The following DNASE2B variants were observed in gnomAD, a reference collection of about 807,000 sequenced individuals.
The protein encoded by DNASE2B is deoxyribonuclease-2-beta.
In DNASE2B, 43 loss-of-function variants were observed where a neutral mutation model predicts 46.0. The ratio of observed to expected loss-of-function variants is 0.94; its 90% CI spans 0.73 to 1.21. DNASE2B has a LOEUF of 1.21. Ranked by LOEUF, DNASE2B falls within the 50% of genes most tolerant of loss-of-function variation. DNASE2B has a pLI of 0.00. For missense variants in DNASE2B, 395 were observed against 414.4 expected (o/e 0.95, Z 0.41); for synonymous variants, 156 against 152.5 (o/e 1.02, Z -0.17).
rs138799980 is a variant in DNASE2B, at chr1:84,398,999, C to T, written c.125+310C>T. 9.8e-5 allele frequency among the ~76,000 whole-genome samples: 15 copies of T among 152,326 alleles called. No individual in the cohort carries two copies. The East Asian group carries it at 2.7e-3, about 27-fold the overall frequency. ...GTGAGCTGGCAATTTCTTTTAATTA[C>T]ATCATGGCTTTTCCTAACAGAACAC... On this transcript the variant is annotated intron_variant, in intron 1 of 5. Coordinates refer to ENST00000370665, the MANE Select transcript of DNASE2B (RefSeq NM_021233.3).
In DNASE2B at chr1:84,414,764, A is replaced by C; in HGVS notation, c.982A>C (p.Ser328Arg). Residue 328 changes from serine (S) to arginine (R), a missense_variant, in exon 6 of 6, where the codon AGT becomes CGT. Physicochemically the swap from Ser to Arg is moderately radical, Grantham distance 110 (BLOSUM62 -1). Transcript: ENST00000370665. ...RWTCIGDLNRSPHQAFRSGGF... is the reference protein window; with the variant it reads ...RWTCIGDLNRRPHQAFRSGGF... ...GACATGTATTGGAGACCTAAATCGGAGTCCACACCAAGCCTTCAGAAGTGG... is the reference window on the plus strand; with the variant it reads ...GACATGTATTGGAGACCTAAATCGGCGTCCACACCAAGCCTTCAGAAGTGG... 1 of 1,614,208 alleles carries C rather than the reference A, an allele frequency of 6.2e-7. No individual in the cohort carries two copies. Among genetic ancestry groups the C allele is most frequent in the Non-Finnish European group, 8.5e-7 (1 of 1,180,020 alleles).
chr1:84,401,938 G>GA lies in DNASE2B; in HGVS notation c.166dup (p.Ser56LysfsTer16), dbSNP rs756383825. ...TAAGTTACCTAAAAGACAAAACAAG[G>GA]AAAGTGGAGAGACTGGGTTAGAGTA... On this transcript the variant is annotated frameshift_variant, in exon 2 of 6. Coordinates refer to ENST00000370665, the MANE Select transcript of DNASE2B (RefSeq NM_021233.3). LOFTEE classifies it high-confidence loss of function. The GA allele has an allele frequency of 5.8e-6, 9 of 1,553,874 alleles. No individual in the cohort carries two copies. Among genetic ancestry groups the GA allele is most frequent in the Non-Finnish European group, 8.6e-7 (1 of 1,157,234 alleles).
chr1:84,400,748 A>T (rs1320015096), intron 1 of DNASE2B, among the ~76,000 whole-genome samples: 15 of 152,244 alleles, frequency 9.9e-5, no homozygotes, highest in African/African-American at 3.1e-4. Context: ...TTTTGCCACA[A>T]GTGAATGGAC....
intron 3 of DNASE2B, among the ~76,000 whole-genome samples, chr1:84,410,391 G>A (rs376171203): frequency 4.6e-5 from 7 of 152,236 alleles, no homozygotes; most frequent in African/African-American, 1.4e-4. Context: ...AAATTATTGT[G>A]AGTACATTTC....
intron 3 of DNASE2B, among the ~76,000 whole-genome samples, chr1:84,409,630 A>G (rs1389826437): frequency 3.9e-5 from 6 of 152,110 alleles, no homozygotes; most frequent in Non-Finnish European, 2.9e-5. Flanking sequence ...TCTCCTGAAT[A>G]CCCTATTTAC....
intron 2 of DNASE2B, 136 bp downstream of exon 2, chr1:84,402,214 C>T (rs1337434689): frequency 1.4e-6 from 1 of 737,042 alleles, no homozygotes; most frequent in Admixed American, 3.7e-5. Context: ...TCAGGACCAG[C>T]TCAAGACAAC....
At chr1:84,406,289 T>A (rs1224176022) in intron 2 of DNASE2B, among the ~76,000 whole-genome samples, 1 of 152,178 alleles carries the variant, frequency 6.6e-6, no homozygotes, top group Non-Finnish European at 1.5e-5. Context: ...CCTTTCCACA[T>A]CAACGAGACT....
intron 5 of DNASE2B, 42 bp from the exon 6 acceptor site, chr1:84,414,486 T>A (rs1441723764): frequency 3.9e-6 from 6 of 1,520,700 alleles, no homozygotes; most frequent in Non-Finnish European, 5.3e-6. Context: ...CTAATCTAAG[T>A]GTAAATACCA....
At chr1:84,403,231 T>G (rs1399998070) in intron 2 of DNASE2B, among the ~76,000 whole-genome samples, 1 of 152,154 alleles carries the variant, frequency 6.6e-6, no homozygotes, top group East Asian at 1.9e-4. Context: ...CGTCAAAAAT[T>G]TATGTACAAC....
intron 2 of DNASE2B, 118 bp downstream of exon 2, chr1:84,402,196 G>A (rs1266333562): frequency 8.1e-6 from 8 of 989,204 alleles, no homozygotes; most frequent in Non-Finnish European, 1.0e-5. Flanking sequence ...ACCTTGAAGT[G>A]AGCTAGCTCA....
Position 84,414,833 on chromosome 1 carries a change from C to T in DNASE2B, c.1051C>T (p.Gln351Ter), listed in dbSNP as rs764754558. 14 of 1,613,914 alleles carry T rather than the reference C, an allele frequency of 8.7e-6. No individual in the cohort carries two copies. Among genetic ancestry groups the T allele is most frequent in the Non-Finnish European group, 1.2e-5 (14 of 1,180,000 alleles). ...TQNWQIYQAF[Q>*]GLVLYYESCK is the part of the protein sequence containing the mutation. The stretch of plus-strand genomic sequence containing the variant: ...GAATTGGCAAATTTACCAAGCATTT[C>T]AAGGATTAGTATTATACTATGAAAG... The change falls in exon 6 of 6, where the codon CAA (glutamine) becomes TAA (stop). Residue 351 changes from glutamine (Q) to a stop codon, truncating the protein, a stop_gained. Transcript: ENST00000370665. LOFTEE classifies it high-confidence loss of function.
chr1:84,401,962 T>C lies in DNASE2B; in HGVS notation c.187T>C (p.Tyr63His). 6.3e-7 allele frequency: 1 copy of C among 1,595,800 alleles called. No homozygotes were observed. Among genetic ancestry groups the C allele is most frequent in the South Asian group, 1.2e-5 (1 of 86,390 alleles). The change falls in exon 2 of 6, where the codon TAC (tyrosine) becomes CAC (histidine). Residue 63 changes from tyrosine to histidine, a missense_variant. Transcript: ENST00000370665. The part of the protein sequence containing the change: ...NKESGETGLE[Y>H]LYLDSTTRSW... Reference sequence around the variant, plus strand: ...GGAAAGTGGAGAGACTGGGTTAGAGTACCTGTACCTAGACTCTACAACTAG... The same window carrying C: ...GGAAAGTGGAGAGACTGGGTTAGAGCACCTGTACCTAGACTCTACAACTAG...
At chr1:84,408,079 A>T (rs1190387287) in intron 2 of DNASE2B, among the ~76,000 whole-genome samples, 1 of 152,158 alleles carries the variant, frequency 6.6e-6, no homozygotes, top group African/African-American at 2.4e-5. Context: ...GGTTGTTCCT[A>T]CTTCATTTCC....
chr1:84,400,483 A>T (rs1267090722), intron 1 of DNASE2B, among the ~76,000 whole-genome samples: 1 of 152,222 alleles, frequency 6.6e-6, no homozygotes, highest in Non-Finnish European at 1.5e-5. Flanking sequence ...GATTTGGAGC[A>T]AAATATTATA....
rs1164399043 is a variant in DNASE2B at position 84,408,643 on chromosome 1, T to C, written c.385+125T>C. On this transcript the variant is annotated intron_variant, in intron 3 of 5. Coordinates refer to ENST00000370665, the MANE Select transcript of DNASE2B (RefSeq NM_021233.3). The stretch of plus-strand genomic sequence containing the variant: ...CTTTCTTCTTAATAGTTTATTTGAG[T>C]TATTGAAATGTATGACTTCTATATC... The C allele has an allele frequency of 4.3e-6, 3 of 693,184 alleles. No individual in the cohort carries two copies. The East Asian group carries it at 1.0e-4, about 24-fold the overall frequency. The allele number at this position is 693,184 out of a possible 1,614,324, so 42.9% of individuals were successfully genotyped here.
rs756812060 is a variant in DNASE2B, at chr1:84,412,555, G to C, written c.745+9G>C. On this transcript the variant is annotated intron_variant, in intron 5 of 5. Transcript: ENST00000370665. Reference sequence around the variant, plus strand: ...GGATTCTTTTCTTGACGGTATGAAAGACCATCATCAAACAACATGCTGTAT... The same window carrying C: ...GGATTCTTTTCTTGACGGTATGAAACACCATCATCAAACAACATGCTGTAT... The C allele has an allele frequency of 1.3e-6, 2 of 1,596,834 alleles. No homozygotes were observed. The highest frequency in any genetic ancestry group is 2.3e-5 in the South Asian group (2 of 88,788).
intron 2 of DNASE2B, among the ~76,000 whole-genome samples, chr1:84,402,631 G>A (rs1680440378): frequency 2.0e-5 from 3 of 152,114 alleles, no homozygotes; most frequent in Admixed American, 6.5e-5. Flanking sequence ...GCTATATCTG[G>A]ACTTTATCAG....
chr1:84,408,421 T>C lies in DNASE2B; in HGVS notation c.304-16T>C. 5 of 1,602,068 alleles carry C rather than the reference T, an allele frequency of 3.1e-6. No homozygotes were observed. The highest frequency in any genetic ancestry group is 4.3e-6 in the Non-Finnish European group (5 of 1,174,670). On this transcript the variant is annotated splice_polypyrimidine_tract_variant and intron_variant, in intron 2 of 5. Coordinates refer to ENST00000370665, the MANE Select transcript of DNASE2B (RefSeq NM_021233.3). ...TGGAAGATTTACGCCATTATAACCC[T>C]AATATATTCCTGCAGAGTAACAACA...
intron 3 of DNASE2B, among the ~76,000 whole-genome samples, chr1:84,409,360 G>A (rs1233970447): frequency 6.6e-6 from 1 of 152,098 alleles, no homozygotes; most frequent in Non-Finnish European, 1.5e-5. Flanking sequence ...GTGAAAGGAG[G>A]CAGTTACTAT....
Sources: gnomAD v4.1 joint callset for allele counts (sites outside exome capture counted in the v4.1 genomes callset) on GRCh38, gnomAD v4.1.1 for gene constraint, MANE v1.5 for transcripts, NCBI Gene and HGNC (gene_info 2026-07-23, HGNC 2026-07-21) for gene names.